The following NBEA variants were observed in gnomAD, a reference collection of about 807,000 sequenced individuals.
NBEA encodes the protein neurobeachin, also known as lysosomal-trafficking regulator 2.
Under a neutral mutation model 343.4 loss-of-function variants are expected in NBEA, and 44 were observed. The ratio of observed to expected loss-of-function variants is 0.13; its 90% confidence interval spans 0.10 to 0.16. The LOEUF (loss-of-function observed/expected upper bound fraction) is 0.16. Ranked by LOEUF, NBEA falls within the 10% of genes least tolerant of loss-of-function variation. The pLI, the probability that NBEA is intolerant of heterozygous loss-of-function variation, is 1.00. For synonymous variants in NBEA, 1,175 were observed against 1,238.7 expected (o/e 0.95, Z 1.08); for missense variants, 2,555 against 3,631.3 (o/e 0.70, Z 7.62).
At chr13:35,606,627 A>T (rs2082291437) in intron 48 of NBEA, 49 bp downstream of exon 48, 1 of 1,484,604 alleles carries the variant, frequency 6.7e-7, no homozygotes, top group African/African-American at 1.4e-5. Flanking sequence ...GAGTTAACAT[A>T]TTCTGTAGTT....
intron 1 of NBEA, among the ~76,000 whole-genome samples, chr13:35,011,612 A>G (rs1004484986): frequency 6.6e-6 from 1 of 152,208 alleles, no homozygotes; most frequent in East Asian, 1.9e-4. Flanking sequence ...ATTTCTATAT[A>G]TAGTTTAAGC....
chr13:35,062,661 G>T (rs1266651445), intron 8 of NBEA, among the ~76,000 whole-genome samples: 5 of 151,716 alleles, frequency 3.3e-5, no homozygotes, highest in African/African-American at 1.2e-4. Context: ...TCAGAAAGCA[G>T]TAAAGCCATA....
chr13:35,029,237 C>T (rs1002678205), intron 1 of NBEA, among the ~76,000 whole-genome samples: 1 of 145,348 alleles, frequency 6.9e-6, no homozygotes, highest in Non-Finnish European at 1.5e-5. Context: ...AACATTTAGT[C>T]TATAACACCA....
At chr13:35,132,981 A>AAACAAAGGATTTCT (rs2067507610) in intron 17 of NBEA, among the ~76,000 whole-genome samples, 1 of 152,190 alleles carries the variant, frequency 6.6e-6, no homozygotes, top group Admixed American at 6.6e-5. Flanking sequence ...AGGATTTCTA[A>AAACAAAGGATTTCT]AACAATAAAT....
chr13:35,378,517 C>A (rs2041856566), intron 38 of NBEA, among the ~76,000 whole-genome samples: 1 of 151,852 alleles, frequency 6.6e-6, no homozygotes, highest in African/African-American at 2.4e-5. Flanking sequence ...CAAGTTAGAG[C>A]CTTTTAGGTC....
intron 1 of NBEA, among the ~76,000 whole-genome samples, chr13:34,995,423 G>GAA (rs35718599): frequency 0.01 from 1,494 of 143,532 alleles, 13 homozygotes; most frequent in African/African-American, 0.018. Context: ...CCTGTCTCAA[G>GAA]AAAAAAAAAA....
At chr13:35,341,280 G>A (rs2039568427) in intron 36 of NBEA, among the ~76,000 whole-genome samples, 1 of 151,880 alleles carries the variant, frequency 6.6e-6, no homozygotes, top group Non-Finnish European at 1.5e-5. Context: ...AGACCCAAAT[G>A]TGAGAACTAT....
intron 38 of NBEA, among the ~76,000 whole-genome samples, chr13:35,373,649 G>A (rs1208107234): frequency 1.3e-5 from 2 of 151,914 alleles, no homozygotes; most frequent in Non-Finnish European, 2.9e-5. Flanking sequence ...AGGTTGCAGT[G>A]AGATGTGATG....
At chr13:35,092,861 T>C (rs1270666769) in intron 10 of NBEA, among the ~76,000 whole-genome samples, 1 of 152,036 alleles carries the variant, frequency 6.6e-6, no homozygotes, top group African/African-American at 2.4e-5. Flanking sequence ...TTATGAGAAA[T>C]GAATGGAAAT....
intron 41 of NBEA, among the ~76,000 whole-genome samples, chr13:35,515,175 A>C (rs1380136224): frequency 6.6e-6 from 1 of 152,188 alleles, no homozygotes; most frequent in Non-Finnish European, 1.5e-5. Context: ...AGGATAATGG[A>C]TGAGGGTGTC....
intron 41 of NBEA, among the ~76,000 whole-genome samples, chr13:35,537,689 C>A (rs73498910): frequency 0.011 from 1,714 of 152,018 alleles, 40 homozygotes; most frequent in African/African-American, 0.039. Flanking sequence ...GTGAACTTGG[C>A]AAATAGGGGA....
rs936381178 is a variant in NBEA, at chr13:35,195,801, T to C, written c.4928-63T>C. 15 of 1,384,812 alleles carry C rather than the reference T, an allele frequency of 1.1e-5. No homozygotes were observed. In the South Asian group the frequency reaches 2.0e-4, roughly 19 times the overall value. The allele number at this position is 1,384,812 out of a possible 1,614,324, so 85.8% of individuals were successfully genotyped here. A position where few individuals can be genotyped will look rare whatever the true frequency, so the allele number is the denominator to read the frequency against. On this transcript the variant is annotated intron_variant, in intron 30 of 58. Transcript: ENST00000379939. Reference sequence around the variant, plus strand: ...CTTTATTTGAATATATGAAAACATTTGATTAATAATACAAGATTTTTACTT... The same window carrying C: ...CTTTATTTGAATATATGAAAACATTCGATTAATAATACAAGATTTTTACTT...
At position 35,214,255 on chromosome 13, in the gene NBEA, C is replaced by A. The variant is rs2152755666; in HGVS notation, c.5648+3076C>A. 2.6e-5 allele frequency among the ~76,000 whole-genome samples: 4 copies of A among 151,912 alleles called. 1 individual carries two copies. In the South Asian group the frequency reaches 8.3e-4, roughly 31 times the overall value. On this transcript the variant is annotated intron_variant, in intron 33 of 58. Coordinates refer to ENST00000379939, the MANE Select transcript of NBEA (RefSeq NM_001385012.1). ...GGACATAAATTTTCATTTCTTATGGCTGAACACTAGGAGAAAAATTGTGGT... is the reference window on the plus strand; with the variant it reads ...GGACATAAATTTTCATTTCTTATGGATGAACACTAGGAGAAAAATTGTGGT...
intron 45 of NBEA, among the ~76,000 whole-genome samples, chr13:35,571,764 T>C (rs1335444486): frequency 6.6e-6 from 1 of 152,018 alleles, no homozygotes; most frequent in African/African-American, 2.4e-5. Context: ...ATTCAATAAA[T>C]AATTCTGTTT....
intron 41 of NBEA, chr13:35,475,524 C>T (rs1209728653): frequency 1.2e-6 from 2 of 1,612,718 alleles, no homozygotes; most frequent in Non-Finnish European, 1.7e-6. Context: ...TGAAACCTTC[C>T]GCCTTGACCT....
intron 38 of NBEA, among the ~76,000 whole-genome samples, chr13:35,411,618 T>G (rs562106070): frequency 1.3e-5 from 2 of 150,680 alleles, no homozygotes. Flanking sequence ...CACCATGCCC[T>G]GCTAATGTTT....
chr13:35,527,320 G>A (rs181146532), intron 41 of NBEA, among the ~76,000 whole-genome samples: 1 of 152,278 alleles, frequency 6.6e-6, no homozygotes, highest in Admixed American at 6.5e-5. Flanking sequence ...ATTTCACCCG[G>A]AAGTGGCAGT....
chr13:35,023,219 T>C (rs12586094), intron 1 of NBEA, among the ~76,000 whole-genome samples: 57,932 of 151,982 alleles, frequency 0.38, 11,680 homozygotes, highest in East Asian at 0.49. Flanking sequence ...AAAGAAAGCA[T>C]ACTAGTTCAT....
At chr13:35,370,906 G>A (rs1056429391) in intron 38 of NBEA, among the ~76,000 whole-genome samples, 1 of 57,026 alleles carries the variant, frequency 1.8e-5, no homozygotes, top group African/African-American at 5.2e-5. Context: ...GTCCTCAGTT[G>A]GCAGTTTTTT....
Sources: gnomAD v4.1 joint callset for allele counts (sites outside exome capture counted in the v4.1 genomes callset) on GRCh38, gnomAD v4.1.1 for gene constraint, MANE v1.5 for transcripts, NCBI Gene and HGNC (gene_info 2026-07-23, HGNC 2026-07-21) for gene names.